Variants in ABCG2 observed in about 807,000 individuals in gnomAD.
The protein encoded by ABCG2 is broad substrate specificity ATP-binding cassette transporter ABCG2.
Under a neutral mutation model 73.5 loss-of-function variants are expected in ABCG2, and 80 were observed. The observed-to-expected ratio is 1.09, with a 90% confidence interval of 0.91 to 1.31. ABCG2 has a LOEUF of 1.31. ABCG2 is among the 50% of genes most tolerant of loss of function. The pLI is 0.00. For synonymous variants in ABCG2, 269 were observed against 282.4 expected (o/e 0.95, Z 0.48); for missense variants, 796 against 786.2 (o/e 1.01, Z -0.15).
At chr4:88,097,633 T>C (rs778425977) in intron 12 of ABCG2, 26 bp from the exon 13 acceptor site, 1 of 1,611,806 alleles carries the variant, frequency 6.2e-7, no homozygotes, top group Non-Finnish European at 8.5e-7. Flanking sequence ...AAGAAGTAGT[T>C]AACCCAACTG....
At chr4:88,110,937 T>C (rs1723094279) in intron 9 of ABCG2, among the ~76,000 whole-genome samples, 1 of 152,214 alleles carries the variant, frequency 6.6e-6, no homozygotes, top group Admixed American at 6.5e-5. Flanking sequence ...ATTCTTAATC[T>C]AAGAGACTGC....
intron 1 of ABCG2, among the ~76,000 whole-genome samples, chr4:88,214,027 G>A (rs1409939531): frequency 9.1e-6 from 1 of 110,070 alleles, no homozygotes; most frequent in Non-Finnish European, 1.7e-5. Context: ...TCATTCTGTC[G>A]CCCAGGTTAG....
At chr4:88,217,415 C>A (rs1729853323) in intron 1 of ABCG2, among the ~76,000 whole-genome samples, 4 of 152,302 alleles carry the variant, frequency 2.6e-5, no homozygotes, top group African/African-American at 9.6e-5. Context: ...AATCTCAGCA[C>A]TTTGTGAGGC....
upstream of ABCG2, among the ~76,000 whole-genome samples, chr4:88,161,069 C>A (rs114505483): frequency 0.047 from 7,205 of 151,846 alleles, 228 homozygotes; most frequent in Middle Eastern, 0.065. Flanking sequence ...GTAATCCCAG[C>A]ACTTTGGGAG....
At chr4:88,129,680 T>C (rs991105492) in intron 5 of ABCG2, among the ~76,000 whole-genome samples, 12 of 152,188 alleles carry the variant, frequency 7.9e-5, no homozygotes, top group African/African-American at 2.7e-4. Context: ...GAAAGCATAA[T>C]ATGAAGTATA....
chr4:88,197,746 T>C (rs1405866263), intron 1 of ABCG2, among the ~76,000 whole-genome samples: 1 of 151,910 alleles, frequency 6.6e-6, no homozygotes, highest in African/African-American at 2.4e-5. Context: ...TTGAGGCTAG[T>C]GAGCTATAAT....
At chr4:88,106,069 T>C (rs1489577783) in intron 10 of ABCG2, among the ~76,000 whole-genome samples, 2 of 152,204 alleles carry the variant, frequency 1.3e-5, no homozygotes, top group Non-Finnish European at 2.9e-5. Context: ...AGAATTACTA[T>C]ATGACCCAGA....
At chr4:88,145,061 C>G (rs1308090265) in intron 1 of ABCG2, among the ~76,000 whole-genome samples, 1 of 151,426 alleles carries the variant, frequency 6.6e-6, no homozygotes, top group Non-Finnish European at 1.5e-5. Context: ...GCCAAGATAG[C>G]CTCAAGTTGA....
chr4:88,202,383 T>TATATATA (rs1316002025), intron 1 of ABCG2, among the ~76,000 whole-genome samples: 75 of 129,980 alleles, frequency 5.8e-4, no homozygotes, highest in Middle Eastern at 8.3e-3. Context: ...TATATGTATA[T>TATATATA]TTTAATTAGC....
At chr4:88,131,747 GCA>G (rs1724890493) in intron 4 of ABCG2, 54 bp downstream of exon 4, 1 of 1,283,844 alleles carries the variant, frequency 7.8e-7, no homozygotes, top group Admixed American at 1.8e-5. Context: ...ATCAGCCAAA[GCA>G]CTTACCCATA....
chr4:88,163,756 C>T (rs62310613), upstream of ABCG2: 6,431 of 407,798 alleles, frequency 0.016, 72 homozygotes, highest in Non-Finnish European at 0.022. Flanking sequence ...GATGGGAACT[C>T]CAGATGTGTG....
chr4:88,109,207 C>T (rs113617784), intron 9 of ABCG2, among the ~76,000 whole-genome samples: 1,684 of 152,054 alleles, frequency 0.011, 13 homozygotes, highest in Middle Eastern at 0.041. Context: ...ACTATGTTGG[C>T]CAGGCTGGTC....
intron 1 of ABCG2, among the ~76,000 whole-genome samples, chr4:88,180,223 G>A (rs1728177227): frequency 6.6e-6 from 1 of 152,170 alleles, no homozygotes; most frequent in Non-Finnish European, 1.5e-5. Flanking sequence ...ATTCCTGGCA[G>A]CAGACTTTTC....
At chr4:88,213,807 G>A (rs1020561338) in intron 1 of ABCG2, among the ~76,000 whole-genome samples, 23 of 150,726 alleles carry the variant, frequency 1.5e-4, no homozygotes, top group East Asian at 5.9e-4. Context: ...CTCAGCCTCC[G>A]GAGTAGCTGG....
At chr4:88,100,722 C>T (rs1037642385) in intron 11 of ABCG2, among the ~76,000 whole-genome samples, 18 of 152,072 alleles carry the variant, frequency 1.2e-4, no homozygotes, top group African/African-American at 3.6e-4. Flanking sequence ...GTAAGAATGC[C>T]TTCCGGCTCG....
At chr4:88,205,737 C>T (rs1729350104) in intron 1 of ABCG2, among the ~76,000 whole-genome samples, 1 of 152,094 alleles carries the variant, frequency 6.6e-6, no homozygotes, top group African/African-American at 2.4e-5. Context: ...GGCTGGAGTG[C>T]AGTGGCGCGA....
chr4:88,180,560 C>A lies in ABCG2; in HGVS notation c.-19-40546G>T, dbSNP rs537141729. On this transcript the variant is annotated intron_variant, in intron 1 of 15. Coordinates refer to the ABCG2 transcript ENST00000515655. ...GACCAGCCTGGAAAATATAATGAGACCTTGCCTCTACAAAAAAAAATTTTA... is the reference window on the plus strand; with the variant it reads ...GACCAGCCTGGAAAATATAATGAGAACTTGCCTCTACAAAAAAAAATTTTA... 7.2e-5 allele frequency among the ~76,000 whole-genome samples: 11 copies of A among 152,158 alleles called. No individual in the cohort carries two copies. The East Asian group carries it at 1.4e-3, about 19-fold the overall frequency.
At chr4:88,217,089 T>C (rs915466426) in intron 1 of ABCG2, among the ~76,000 whole-genome samples, 1 of 152,126 alleles carries the variant, frequency 6.6e-6, no homozygotes, top group African/African-American at 2.4e-5. Flanking sequence ...CTTCTACTAA[T>C]ACCACTGTTA....
At position 88,091,971 on chromosome 4, in the gene ABCG2, T is replaced by TA. The variant is rs1560643794; in HGVS notation, c.*262dup. 4 of 295,892 alleles carry TA rather than the reference T, an allele frequency of 1.4e-5. No homozygotes were observed. Among genetic ancestry groups the TA allele is most frequent in the Non-Finnish European group, 1.9e-5 (3 of 160,038 alleles). The allele number at this position is 295,892 out of a possible 1,614,324, so 18.3% of individuals were successfully genotyped here. A position where few individuals can be genotyped will look rare whatever the true frequency, so the allele number is the denominator to read the frequency against. ...TTTCCAGAATTCAATTCTCCTTTTT[T>TA]AGATTAATAAATTAGACCAGATTTC... is the stretch of plus-strand genomic sequence containing the variant. On this transcript the variant is annotated 3_prime_UTR_variant, in exon 16 of 16. Transcript: ENST00000237612.
Sources: allele counts gnomAD v4.1 joint callset (sites outside exome capture counted in the v4.1 genomes callset), GRCh38; gene constraint gnomAD v4.1.1; transcripts MANE v1.5; gene names NCBI Gene and HGNC (gene_info 2026-07-23, HGNC 2026-07-21).